The following GRIK4 variants were observed in gnomAD, a reference collection of about 807,000 sequenced individuals.
The protein encoded by GRIK4 is glutamate receptor ionotropic, kainate 4.
A neutral mutation model predicts 104.9 loss-of-function variants in GRIK4; 40 were observed. The observed-to-expected ratio is 0.38, with a 90% confidence interval of 0.30 to 0.50. The LOEUF is 0.50. Among genes scored for constraint, GRIK4 ranks in the 20% least tolerant of loss-of-function variants. The pLI is 0.93. For synonymous variants in GRIK4, 485 were observed against 524.9 expected, an observed-to-expected ratio of 0.92 and a Z score of 1.04; for missense variants, 1,047 against 1,308.1, an observed-to-expected ratio of 0.80 and a Z score of 3.08.
At chr11:120,851,369 T>C (rs150750001) in intron 8 of GRIK4, among the ~76,000 whole-genome samples, 66 of 152,318 alleles carry the variant, frequency 4.3e-4, no homozygotes, top group Non-Finnish European at 8.1e-4. Context: ...CACCTCTTTA[T>C]CTGGCTGACT....
At position 120,831,991 on chromosome 11, in the gene GRIK4, C is replaced by G; in HGVS notation, c.651C>G (p.Ile217Met). 6.2e-7 allele frequency: 1 copy of G among 1,613,824 alleles called. No homozygotes were observed. Among genetic ancestry groups the G allele is most frequent in the Non-Finnish European group, 8.5e-7 (1 of 1,179,928 alleles). ...IRDDKTATII[I>M]HANASMSHTI... ...ACGACAAGACCGCCACCATCATCAT[C>G]CACGCCAACGCCTCCATGTCCCACA... The change falls in exon 7 of 21, where the codon ATC (isoleucine) becomes ATG (methionine). Residue 217 changes from isoleucine to methionine, a missense_variant. Around this residue, in one of 3 missense-constraint regions of GRIK4, gnomAD observed 447 missense variants for 514.9 expected, o/e 0.87. Transcript: ENST00000527524.
intron 1 of GRIK4, among the ~76,000 whole-genome samples, chr11:120,528,363 G>A (rs1037032689): frequency 6.6e-6 from 1 of 151,876 alleles, no homozygotes; most frequent in Admixed American, 6.6e-5. Flanking sequence ...TGCCCGCCTT[G>A]GCCTCCCAAA....
chr11:120,535,451 C>T (rs563934739), intron 1 of GRIK4, among the ~76,000 whole-genome samples: 20 of 151,950 alleles, frequency 1.3e-4, no homozygotes, highest in Non-Finnish European at 1.8e-4. Context: ...GGGAGCAGGC[C>T]GGGACCCCCA....
chr11:120,585,945 C>T (rs1024235175), intron 1 of GRIK4, among the ~76,000 whole-genome samples: 1 of 152,010 alleles, frequency 6.6e-6, no homozygotes, highest in Non-Finnish European at 1.5e-5. Context: ...GAGAGAAGCA[C>T]CTTTAGCAGT....
chr11:120,956,106 T>A lies in GRIK4; in HGVS notation c.1701-674T>A, dbSNP rs1197822917. Among the ~76,000 whole-genome samples the A allele has an allele frequency of 6.6e-6, 1 of 152,052 alleles. No homozygotes were observed. Among genetic ancestry groups the A allele is most frequent in the African/African-American group, 2.4e-5 (1 of 41,400 alleles). ...AAACCGTGGTTCTAAGGGACACTAA[T>A]ATCTCTCTCATCACCCTGTCACTGG... On this transcript the variant is annotated intron_variant, in intron 15 of 20. Transcript: ENST00000527524. The surrounding 1 kb of genome is among the most constrained non-coding windows in gnomAD (Gnocchi z 4.6).
intron 3 of GRIK4, among the ~76,000 whole-genome samples, chr11:120,669,136 T>G (rs1430952040): frequency 2.0e-5 from 3 of 152,234 alleles, no homozygotes; most frequent in Admixed American, 6.5e-5. Flanking sequence ...TAGGGAACTT[T>G]CCCTTCCAAA....
At position 120,747,894 on chromosome 11, in the gene GRIK4, C is replaced by T. The variant is rs1951473359; in HGVS notation, c.83-54799C>T. 2.6e-5 allele frequency among the ~76,000 whole-genome samples: 4 copies of T among 152,348 alleles called. No individual in the cohort carries two copies. In the South Asian group the frequency reaches 6.2e-4, roughly 24 times the overall value. ...CACCAGTTTTCAAGCCTCACCCTCTCCAAGTGTGCTCTTCAAACAAGATTC... is the reference window on the plus strand; with the variant it reads ...CACCAGTTTTCAAGCCTCACCCTCTTCAAGTGTGCTCTTCAAACAAGATTC... On this transcript the variant is annotated intron_variant, in intron 3 of 20. Coordinates refer to ENST00000527524, the MANE Select transcript of GRIK4 (RefSeq NM_014619.5).
chr11:120,892,609 C>T (rs990072795), intron 11 of GRIK4, among the ~76,000 whole-genome samples: 2 of 152,140 alleles, frequency 1.3e-5, no homozygotes, highest in Non-Finnish European at 2.9e-5. Context: ...TGTCAGGAAG[C>T]CCCAGAGGAC....
In GRIK4 at chr11:120,566,706, GTT is replaced by G. The variant is rs538654745; in HGVS notation, c.-159+54834_-159+54835del. ...ATTTTTTTTCTTGTTTATACCCTCA[GTT>G]TTTTTTTTTTTTTTGAGACGGCGTC... is the stretch of plus-strand genomic sequence containing the variant. On this transcript the variant is annotated intron_variant, in intron 1 of 20. Transcript: ENST00000527524. 8.4e-4 allele frequency among the ~76,000 whole-genome samples: 115 copies of G among 136,270 alleles called. 2 individuals are homozygous for G. The South Asian group carries it at 0.019, about 22-fold the overall frequency. The allele number at this position is 136,270 out of a possible 152,430, so 89.4% of individuals were successfully genotyped here.
intron 1 of GRIK4, among the ~76,000 whole-genome samples, chr11:120,611,778 T>TC (rs574526411): frequency 2.0e-5 from 3 of 152,154 alleles, no homozygotes; most frequent in Admixed American, 6.5e-5. Context: ...CCTCCTCCCT[T>TC]CCCCCGCAGC....
chr11:120,572,531 G>T (rs1274805533), intron 1 of GRIK4, among the ~76,000 whole-genome samples: 1 of 152,110 alleles, frequency 6.6e-6, no homozygotes, highest in Non-Finnish European at 1.5e-5. Context: ...GGGAAGATTT[G>T]CCTGGCCTGC....
intron 1 of GRIK4, among the ~76,000 whole-genome samples, chr11:120,649,715 C>T (rs1223146499): frequency 6.6e-6 from 1 of 152,232 alleles, no homozygotes; most frequent in Non-Finnish European, 1.5e-5. Context: ...CACTCAAACA[C>T]AGACAGTCAT....
At chr11:120,541,817 A>G (rs1326904963) in intron 1 of GRIK4, among the ~76,000 whole-genome samples, 2 of 152,228 alleles carry the variant, frequency 1.3e-5, no homozygotes, top group Admixed American at 1.3e-4. Context: ...AGATAAACGG[A>G]AAGGTATCCT....
At chr11:120,521,220 G>A (rs1591671227) in intron 1 of GRIK4, among the ~76,000 whole-genome samples, 1 of 152,078 alleles carries the variant, frequency 6.6e-6, no homozygotes, top group Non-Finnish European at 1.5e-5. Flanking sequence ...CTACAAGCGT[G>A]CACCACCATG....
chr11:120,919,808 G>A (rs1218836934), intron 13 of GRIK4, among the ~76,000 whole-genome samples: 1 of 152,166 alleles, frequency 6.6e-6, no homozygotes, highest in Admixed American at 6.5e-5. Flanking sequence ...ATTGAATGGG[G>A]AGACAACAGG....
intron 3 of GRIK4, among the ~76,000 whole-genome samples, chr11:120,752,002 A>G (rs1951563543): frequency 6.6e-6 from 1 of 152,080 alleles, no homozygotes; most frequent in Non-Finnish European, 1.5e-5. Flanking sequence ...TGGAGGAGCT[A>G]TTAATAGTAA....
At position 120,754,394 on chromosome 11, in the gene GRIK4, G is replaced by T. The variant is rs1320717941; in HGVS notation, c.83-48299G>T. On this transcript the variant is annotated intron_variant, in intron 3 of 20. Transcript: ENST00000527524. ...CTTCACATGGCATAATGTGTTCAAG[G>T]CTCATCCGGGTTGTAGCGTGTGTCA... Among the ~76,000 whole-genome samples, 3 of 152,148 alleles carry T rather than the reference G, an allele frequency of 2.0e-5. 1 individual carries two copies. The highest frequency in any genetic ancestry group is 4.2e-4 in the South Asian group (2 of 4,814).
At chr11:120,793,478 G>A (rs1235856403) in intron 3 of GRIK4, among the ~76,000 whole-genome samples, 1 of 152,114 alleles carries the variant, frequency 6.6e-6, no homozygotes, top group Non-Finnish European at 1.5e-5. Flanking sequence ...GGGTTGTCTG[G>A]AGCCCTCGTT....
At chr11:120,843,694 G>T (rs550296780) in intron 8 of GRIK4, among the ~76,000 whole-genome samples, 66 of 4,152 alleles carry the variant, frequency 0.016, 1 homozygote, top group African/African-American at 0.065. Context: ...TTACCTTGCT[G>T]GGCTTCGGTT....
Sources: allele counts gnomAD v4.1 joint callset (sites outside exome capture counted in the v4.1 genomes callset), GRCh38; gene constraint gnomAD v4.1.1; regional missense constraint gnomAD v4.1.1; non-coding constraint Gnocchi (gnomAD v3.1); transcripts MANE v1.5; gene names NCBI Gene and HGNC (gene_info 2026-07-23, HGNC 2026-07-21).